The following KAT6B variants were observed in gnomAD, a reference collection of about 807,000 sequenced individuals.
The protein encoded by KAT6B is histone acetyltransferase KAT6B.
A neutral mutation model predicts 187.5 loss-of-function variants in KAT6B; 10 were observed. The ratio of observed to expected loss-of-function variants is 0.05; its 90% CI spans 0.03 to 0.09. The LOEUF (loss-of-function observed/expected upper bound fraction) is 0.09. Among genes scored for constraint, KAT6B ranks in the 10% least tolerant of loss-of-function variants. KAT6B has a pLI of 1.00. For missense variants in KAT6B, 1,952 were observed against 2,558.9 expected, an observed-to-expected ratio of 0.76 and a Z score of 5.12; for synonymous variants, 861 against 926.8, an observed-to-expected ratio of 0.93 and a Z score of 1.29.
chr10:74,987,944 A>T (rs2133854379), intron 12 of KAT6B, among the ~76,000 whole-genome samples: 1 of 152,368 alleles, frequency 6.6e-6, no homozygotes, highest in Non-Finnish European at 1.5e-5. Flanking sequence ...TCTTCTTAGA[A>T]AAACTGACAC....
chr10:74,900,471 T>C (rs1249451361), intron 3 of KAT6B, among the ~76,000 whole-genome samples: 3 of 152,138 alleles, frequency 2.0e-5, no homozygotes, highest in African/African-American at 4.8e-5. Flanking sequence ...TTGTTGGGGG[T>C]GGGAAAATGG....
intron 3 of KAT6B, among the ~76,000 whole-genome samples, chr10:74,947,981 G>A (rs60093579): frequency 0.25 from 38,279 of 152,148 alleles, 8,798 homozygotes; most frequent in African/African-American, 0.61. Flanking sequence ...TAGAAACTCT[G>A]CCACAAAGGG....
At chr10:74,983,577 G>A (rs892997254) in intron 11 of KAT6B, 2 of 152,174 alleles carry the variant, frequency 1.3e-5, no homozygotes, top group Non-Finnish European at 2.9e-5. Flanking sequence ...AAAACACATT[G>A]TTGGCCTTAA....
rs147850639 is a variant in KAT6B, at chr10:75,004,209, T to C, written c.2629+15097T>C. 2.7e-3 allele frequency among the ~76,000 whole-genome samples: 408 copies of C among 152,296 alleles called. 1 individual carries two copies. The highest frequency in any genetic ancestry group is 9.4e-3 in the African/African-American group (391 of 41,552). On this transcript the variant is annotated intron_variant, in intron 13 of 17. Transcript: ENST00000287239. Reference sequence around the variant, plus strand: ...AATCTTCAGCAGAACTGGAACAAAATGAAACCTTAGTGGGACCATCAAGAG... The same window carrying C: ...AATCTTCAGCAGAACTGGAACAAAACGAAACCTTAGTGGGACCATCAAGAG...
At chr10:74,854,287 T>G (rs551607861) in intron 3 of KAT6B, among the ~76,000 whole-genome samples, 1 of 152,326 alleles carries the variant, frequency 6.6e-6, no homozygotes, top group South Asian at 2.1e-4. Context: ...GATGGAAAGT[T>G]GTACATGTAA....
chr10:74,894,084 TC>T (rs1845822699), intron 3 of KAT6B, among the ~76,000 whole-genome samples: 3 of 152,206 alleles, frequency 2.0e-5, no homozygotes, highest in East Asian at 3.9e-4. Flanking sequence ...ATCATATTTT[TC>T]TCTCTTTTTT....
At chr10:74,840,201 A>G (rs2132046580) in intron 2 of KAT6B, among the ~76,000 whole-genome samples, 1 of 152,324 alleles carries the variant, frequency 6.6e-6, no homozygotes, top group South Asian at 2.1e-4. Flanking sequence ...TTGCATTTAT[A>G]ATTGGATAAT....
At chr10:74,907,511 TTTTTC>T (rs1202232123) in intron 3 of KAT6B, among the ~76,000 whole-genome samples, 26 of 151,446 alleles carry the variant, frequency 1.7e-4, no homozygotes, top group African/African-American at 6.3e-4. Context: ...TGACTTTTCT[TTTTTC>T]TTTTTCTTTT....
intron 3 of KAT6B, among the ~76,000 whole-genome samples, chr10:74,927,950 C>G (rs1848618613): frequency 6.6e-6 from 1 of 152,182 alleles, no homozygotes; most frequent in South Asian, 2.1e-4. Flanking sequence ...GACATCTGAA[C>G]TCATCAACAA....
intron 3 of KAT6B, among the ~76,000 whole-genome samples, chr10:74,939,466 T>C (rs1443061061): frequency 6.6e-6 from 1 of 152,148 alleles, no homozygotes; most frequent in East Asian, 1.9e-4. Flanking sequence ...AGTGGCACAA[T>C]CTTGGCTCAC....
chr10:74,856,929 G>C (rs1842862233), intron 3 of KAT6B, among the ~76,000 whole-genome samples: 1 of 152,010 alleles, frequency 6.6e-6, no homozygotes, highest in African/African-American at 2.4e-5. Context: ...AAAAAATACT[G>C]TATGGGGGAT....
intron 10 of KAT6B, among the ~76,000 whole-genome samples, chr10:74,980,377 C>A (rs1304505693): frequency 6.6e-6 from 1 of 152,106 alleles, no homozygotes; most frequent in African/African-American, 2.4e-5. Flanking sequence ...TAGAATAGAT[C>A]TTATTTTTTT....
intron 3 of KAT6B, among the ~76,000 whole-genome samples, chr10:74,945,973 T>C (rs113187547): frequency 1.2e-4 from 19 of 152,242 alleles, no homozygotes; most frequent in South Asian, 4.1e-4. Flanking sequence ...TTGAGAAATA[T>C]TTCCTCCTCC....
At position 74,849,431 on chromosome 10, in the gene KAT6B, T is replaced by C. The variant is rs113171269; in HGVS notation, c.621+5953T>C. Among the ~76,000 whole-genome samples, 1,135 of 152,170 alleles carry C rather than the reference T, an allele frequency of 7.5e-3. 13 individuals carry two copies. The highest frequency in any genetic ancestry group is 0.025 in the African/African-American group (1,046 of 41,506). On this transcript the variant is annotated intron_variant, in intron 3 of 17. Transcript: ENST00000287239. The stretch of plus-strand genomic sequence containing the variant: ...CATCAGCCTCCCAAGTAGCTGGGAT[T>C]ACAGGCACGCACCACCAAGCCCGGC...
At chr10:74,974,553 C>T (rs1437155701) in intron 7 of KAT6B, among the ~76,000 whole-genome samples, 1 of 152,224 alleles carries the variant, frequency 6.6e-6, no homozygotes, top group Admixed American at 6.5e-5. Flanking sequence ...CAGTCGGCCG[C>T]TGTTCATGTA....
rs1284185885 is a variant in KAT6B, at chr10:74,883,262, G to A, written c.621+39784G>A. ...TACGGTTCTGCTTGCCGCTGTCTGA[G>A]GATTACCTGTCTTATTACAGAATGT... On this transcript the variant is annotated intron_variant, in intron 3 of 17. Transcript: ENST00000287239. Among the ~76,000 whole-genome samples, 8 of 152,236 alleles carry A rather than the reference G, an allele frequency of 5.3e-5. No individual in the cohort carries two copies. The East Asian group carries it at 1.5e-3, about 29-fold the overall frequency.
At chr10:74,968,628 C>T (rs963820712) in intron 4 of KAT6B, among the ~76,000 whole-genome samples, 2 of 151,874 alleles carry the variant, frequency 1.3e-5, no homozygotes, top group African/African-American at 4.8e-5. Context: ...TTTTATTACC[C>T]CTCAGGTTTC....
intron 3 of KAT6B, among the ~76,000 whole-genome samples, chr10:74,923,408 CAAAT>C (rs916615175): frequency 1.3e-5 from 2 of 152,020 alleles, no homozygotes; most frequent in Admixed American, 6.6e-5. Context: ...TGGGAAGAGA[CAAAT>C]AATGTAAGTG....
chr10:74,861,420 A>G (rs1168455638), intron 3 of KAT6B, among the ~76,000 whole-genome samples: 3 of 152,254 alleles, frequency 2.0e-5, no homozygotes, highest in Admixed American at 6.5e-5. Flanking sequence ...ATAACAACCA[A>G]CATTTATAAA....
Sources: gnomAD v4.1 joint callset for allele counts (sites outside exome capture counted in the v4.1 genomes callset) on GRCh38, gnomAD v4.1.1 for gene constraint, MANE v1.5 for transcripts, NCBI Gene and HGNC (gene_info 2026-07-23, HGNC 2026-07-21) for gene names.